LRRC37A2: variants seen among roughly 807,000 people sequenced by gnomAD.
The protein encoded by LRRC37A2 is leucine-rich repeat-containing protein 37A2.
A neutral mutation model predicts 68.8 loss-of-function variants in LRRC37A2; 9 were observed. The ratio of observed to expected loss-of-function variants is 0.13; its 90% CI spans 0.08 to 0.23. The LOEUF (loss-of-function observed/expected upper bound fraction) is 0.23, where lower values mean the gene tolerates loss of function less well. LRRC37A2 is among the 10% of genes least tolerant of loss of function. The pLI, the probability that LRRC37A2 is intolerant of heterozygous loss-of-function variation, is 1.00. For synonymous variants in LRRC37A2, 63 were observed against 367.6 expected, an observed-to-expected ratio of 0.17 and a Z score of 9.48; for missense variants, 168 against 950.4, an observed-to-expected ratio of 0.18 and a Z score of 10.82.
At chr17:46,831,041 A>C in the LRRC37A2 span, 4 of 318,636 alleles carry the variant, frequency 1.3e-5, no homozygotes, top group African/African-American at 8.5e-5. Flanking sequence ...CGTTATTAAG[A>C]ACAATGCAAA....
At chr17:46,963,740 C>T in the LRRC37A2 span, 2 of 152,164 alleles carry the variant, frequency 1.3e-5, no homozygotes, top group African/African-American at 4.8e-5. Flanking sequence ...CCTTGTTCCC[C>T]ACCCACAGTC....
At chr17:46,831,289 T>C in the LRRC37A2 span, 1 of 152,152 alleles carries the variant, frequency 6.6e-6, no homozygotes, top group Admixed American at 6.5e-5. Flanking sequence ...AACCCCAGAA[T>C]TGCACCCGGA....
the LRRC37A2 span, among the ~76,000 whole-genome samples, chr17:46,771,600 T>C: frequency 6.8e-6 from 1 of 146,962 alleles, no homozygotes; most frequent in Non-Finnish European, 1.5e-5. Flanking sequence ...CCGCCTTTGT[T>C]CGCGCGGTGT....
At chr17:47,033,723 GA>G in the LRRC37A2 span, among the ~76,000 whole-genome samples, 4 of 151,860 alleles carry the variant, frequency 2.6e-5, no homozygotes, top group Non-Finnish European at 4.4e-5. Flanking sequence ...AATTTGGAGG[GA>G]AAAAAAAGAA....
intron 8 of LRRC37A2, among the ~76,000 whole-genome samples, chr17:46,543,936 G>C (rs1194562972): frequency 4.1e-5 from 6 of 144,862 alleles, no homozygotes; most frequent in African/African-American, 1.7e-4. Flanking sequence ...GGACAACATG[G>C]TGAAACCCCA....
At chr17:46,844,426 C>T in the LRRC37A2 span, among the ~76,000 whole-genome samples, 1 of 151,514 alleles carries the variant, frequency 6.6e-6, no homozygotes, top group African/African-American at 2.4e-5. Context: ...TGCAGTCCTA[C>T]CATGAGTTCA....
At chr17:46,923,485 G>A in the LRRC37A2 span, 5 of 1,384,432 alleles carry the variant, frequency 3.6e-6, no homozygotes, top group South Asian at 1.8e-5. Context: ...GGTAGACTGG[G>A]TGACGGGAAA....
downstream of LRRC37A2, chr17:46,558,797 C>T (rs2057437177): frequency 7.4e-6 from 1 of 134,708 alleles, no homozygotes; most frequent in Admixed American, 7.4e-5. Flanking sequence ...ACTCACACTC[C>T]CCTATATCAA....
chr17:46,530,681 TC>T (rs2053565578), intron 6 of LRRC37A2, among the ~76,000 whole-genome samples: 2 of 67,728 alleles, frequency 3.0e-5, no homozygotes, highest in African/African-American at 1.2e-4. Context: ...AGTGTACAAT[TC>T]AGTGGTGGTT....
chr17:46,721,879 A>G, the LRRC37A2 span: 19 of 1,585,668 alleles, frequency 1.2e-5, no homozygotes, highest in Non-Finnish European at 1.6e-5. Context: ...TTCTCCTCTG[A>G]GCGATAAAGA....
chr17:46,751,667 A>G, the LRRC37A2 span: 7 of 1,110,112 alleles, frequency 6.3e-6, no homozygotes, highest in Non-Finnish European at 4.0e-6. Flanking sequence ...GCTTCAGGAC[A>G]CACCAAGAGG....
chr17:47,022,636 T>C, the LRRC37A2 span, among the ~76,000 whole-genome samples: 1 of 152,150 alleles, frequency 6.6e-6, no homozygotes, highest in Non-Finnish European at 1.5e-5. Flanking sequence ...CAAAATAGAT[T>C]TGTTTTGTGG....
At chr17:46,988,317 G>A in the LRRC37A2 span, among the ~76,000 whole-genome samples, 1 of 152,212 alleles carries the variant, frequency 6.6e-6, no homozygotes, top group Non-Finnish European at 1.5e-5. Flanking sequence ...TGGTTGCTGG[G>A]GCTGGGGAGA....
chr17:47,018,274 A>G, the LRRC37A2 span: 8 of 1,611,530 alleles, frequency 5.0e-6, no homozygotes, highest in Non-Finnish European at 6.8e-6. Context: ...AGTGAGCAGC[A>G]GCAGCCAGTT....
At chr17:46,905,764 C>G in the LRRC37A2 span, among the ~76,000 whole-genome samples, 3 of 149,152 alleles carry the variant, frequency 2.0e-5, no homozygotes, top group Non-Finnish European at 4.4e-5. Context: ...TTGCTTTACC[C>G]CTGTACTCTG....
At chr17:46,886,501 C>T in the LRRC37A2 span, 1 of 152,070 alleles carries the variant, frequency 6.6e-6, no homozygotes, top group African/African-American at 2.4e-5. Context: ...AAAGTGGTAA[C>T]AAATAGCTGA....
chr17:46,713,653 T>G, the LRRC37A2 span, among the ~76,000 whole-genome samples: 3 of 152,222 alleles, frequency 2.0e-5, no homozygotes, highest in Admixed American at 1.3e-4. Flanking sequence ...TTCACCATAC[T>G]TTTGAGAAAT....
At chr17:46,910,617 G>T in the LRRC37A2 span, among the ~76,000 whole-genome samples, 2 of 152,228 alleles carry the variant, frequency 1.3e-5, no homozygotes, top group East Asian at 3.8e-4. Context: ...CTGATTATGT[G>T]TGGAAAGTCA....
chr17:46,841,789 T>G, the LRRC37A2 span, among the ~76,000 whole-genome samples: 8 of 152,234 alleles, frequency 5.3e-5, no homozygotes, highest in African/African-American at 9.6e-5. Context: ...TGCATCCAGC[T>G]GAGAGACCTT....
Sources: allele counts gnomAD v4.1 joint callset (sites outside exome capture counted in the v4.1 genomes callset), GRCh38; gene constraint gnomAD v4.1.1; transcripts MANE v1.5; gene names NCBI Gene and HGNC (gene_info 2026-07-23, HGNC 2026-07-21).